Variants in THADA observed in about 807,000 individuals in gnomAD.
THADA encodes THADA armadillo repeat containing.
Under a neutral mutation model 219.8 loss-of-function variants are expected in THADA, and 213 were observed. The observed-to-expected ratio is 0.97, with a 90% confidence interval of 0.87 to 1.09. THADA has a LOEUF of 1.09. THADA is among the 50% of genes least tolerant of loss of function. The pLI is 0.00. For synonymous variants in THADA, 1,018 were observed against 828.9 expected (o/e 1.23, Z -3.92); for missense variants, 2,956 against 2,311.3 (o/e 1.28, Z -5.72).
intron 28 of THADA, among the ~76,000 whole-genome samples, chr2:43,418,783 G>T (rs1300040307): frequency 1.3e-5 from 2 of 152,096 alleles, no homozygotes; most frequent in African/African-American, 4.8e-5. Flanking sequence ...GGCCCTCCAA[G>T]GAGAGATAGA....
chr2:43,417,966 A>T (rs146325289), intron 28 of THADA, among the ~76,000 whole-genome samples: 1 of 152,362 alleles, frequency 6.6e-6, no homozygotes, highest in East Asian at 1.9e-4. Context: ...CCTGGCTTAT[A>T]GTAAACATTT....
chr2:43,435,781 C>CAAAAAAAAAAAAAAAA (rs542080356), intron 26 of THADA, among the ~76,000 whole-genome samples: 3 of 53,758 alleles, frequency 5.6e-5, no homozygotes, highest in Non-Finnish European at 1.2e-4. Context: ...AACTTGCCAC[C>CAAAAAAAAAAAAAAAA]AAAAAAAAAA....
chr2:43,515,614 G>T (rs1201034074), intron 22 of THADA, among the ~76,000 whole-genome samples: 1 of 146,796 alleles, frequency 6.8e-6, no homozygotes, highest in Non-Finnish European at 1.5e-5. Context: ...AGCCACAGGA[G>T]ATTTAAAGGA....
chr2:43,318,989 A>G (rs532908474), intron 31 of THADA, among the ~76,000 whole-genome samples: 1 of 152,364 alleles, frequency 6.6e-6, no homozygotes, highest in South Asian at 2.1e-4. Context: ...AGTCAACCAT[A>G]AACTGCCAGA....
intron 23 of THADA, among the ~76,000 whole-genome samples, chr2:43,506,385 T>C (rs1424785971): frequency 6.6e-6 from 1 of 152,204 alleles, no homozygotes; most frequent in Non-Finnish European, 1.5e-5. Context: ...TTAAGCCACT[T>C]GAGGCAATAA....
chr2:43,231,115 C>T lies in THADA; in HGVS notation c.5695G>A (p.Val1899Met), dbSNP rs1482252754. ...TGAATGCGTAGTCTTGTGAACTCCA[C>T]TGTCTTCACAAACTCAGCAGCTGGT... ...LPPAAEFVKT[V>M]EFTRLRIQEE... is the part of the protein sequence containing the mutation. Residue 1899 changes from valine to methionine, a missense_variant, in exon 38 of 38, where the codon GTG (valine) becomes ATG (methionine). Val to Met is a conservative substitution (Grantham distance 21). Transcript: ENST00000405975. 6.2e-7 allele frequency: 1 copy of T among 1,613,906 alleles called. No homozygotes were observed. The highest frequency in any genetic ancestry group is 1.7e-5 in the Admixed American group (1 of 59,998).
intron 14 of THADA, among the ~76,000 whole-genome samples, chr2:43,569,545 G>T (rs1699066321): frequency 6.6e-6 from 1 of 152,106 alleles, no homozygotes; most frequent in African/African-American, 2.4e-5. Context: ...ATTTTAAAAG[G>T]TCGAAGCTAA....
intron 22 of THADA, among the ~76,000 whole-genome samples, chr2:43,520,103 A>G (rs1301253760): frequency 6.6e-6 from 1 of 152,170 alleles, no homozygotes; most frequent in Non-Finnish European, 1.5e-5. Context: ...CAAGGATATA[A>G]AAAGAAAGGT....
At chr2:43,567,004 A>T (rs1698769371) in intron 14 of THADA, among the ~76,000 whole-genome samples, 183 bp from the exon 15 acceptor site, 1 of 152,116 alleles carries the variant, frequency 6.6e-6, no homozygotes, top group Admixed American at 6.5e-5. Flanking sequence ...ACCATAAGCT[A>T]TATTATGACT....
chr2:43,528,823 C>T (rs1693507950), intron 21 of THADA, among the ~76,000 whole-genome samples: 1 of 151,884 alleles, frequency 6.6e-6, no homozygotes, highest in Admixed American at 6.6e-5. Context: ...GTAAAATATA[C>T]ATAATATTTA....
intron 16 of THADA, among the ~76,000 whole-genome samples, chr2:43,559,274 C>T (rs1697771987): frequency 6.6e-6 from 1 of 152,210 alleles, no homozygotes; most frequent in Non-Finnish European, 1.5e-5. Context: ...TGTACAGCAA[C>T]TTCCAATATG....
chr2:43,505,539 A>G (rs1689557524), intron 24 of THADA, 83 bp downstream of exon 24: 2 of 1,031,626 alleles, frequency 1.9e-6, no homozygotes. Flanking sequence ...GGGTAACAAG[A>G]CGGTAACAGC....
At chr2:43,325,008 G>A (rs1424183249) in intron 30 of THADA, among the ~76,000 whole-genome samples, 1 of 152,194 alleles carries the variant, frequency 6.6e-6, no homozygotes, top group East Asian at 1.9e-4. Context: ...AAGATGAAAC[G>A]AAGGCCCTGT....
intron 29 of THADA, among the ~76,000 whole-genome samples, chr2:43,387,774 C>T (rs915936465): frequency 6.6e-6 from 1 of 152,132 alleles, no homozygotes; most frequent in African/African-American, 2.4e-5. Context: ...ACGCACACAC[C>T]CACAACAAAG....
chr2:43,532,429 A>T (rs1694005099), intron 21 of THADA, among the ~76,000 whole-genome samples: 1 of 151,600 alleles, frequency 6.6e-6, no homozygotes, highest in African/African-American at 2.4e-5. Flanking sequence ...AAAAAAAAAA[A>T]AAAAAGGATG....
At chr2:43,260,905 T>C (rs1172627034) in intron 36 of THADA, among the ~76,000 whole-genome samples, 1 of 152,228 alleles carries the variant, frequency 6.6e-6, no homozygotes, top group East Asian at 1.9e-4. Flanking sequence ...TTAAATCCTT[T>C]AAGGCCTCAT....
At chr2:43,339,308 T>A (rs1485607853) in intron 30 of THADA, among the ~76,000 whole-genome samples, 1 of 152,148 alleles carries the variant, frequency 6.6e-6, no homozygotes, top group Non-Finnish European at 1.5e-5. Context: ...TGAGACAGAG[T>A]CTTTCTCTGT....
At chr2:43,268,206 G>A (rs1195325524) in intron 36 of THADA, among the ~76,000 whole-genome samples, 2 of 152,128 alleles carry the variant, frequency 1.3e-5, no homozygotes, top group Admixed American at 6.5e-5. Flanking sequence ...ATTCAGGGAG[G>A]GATTTCTTAC....
chr2:43,513,175 T>C (rs886729697), intron 22 of THADA, among the ~76,000 whole-genome samples: 1 of 152,230 alleles, frequency 6.6e-6, no homozygotes, highest in African/African-American at 2.4e-5. Context: ...AAGTTCTTAA[T>C]GGTCATTTTC....
Sources: gnomAD v4.1 joint callset for allele counts (sites outside exome capture counted in the v4.1 genomes callset) on GRCh38, gnomAD v4.1.1 for gene constraint, MANE v1.5 for transcripts, NCBI Gene and HGNC (gene_info 2026-07-23, HGNC 2026-07-21) for gene names.